TM9SF2: variants seen among roughly 807,000 people sequenced by gnomAD.
The protein encoded by TM9SF2 is 76 kDa membrane protein.
In TM9SF2, 13 loss-of-function variants were observed where a neutral mutation model predicts 84.9. That is an observed-to-expected ratio of 0.15 (90% CI 0.10 to 0.24). The LOEUF (loss-of-function observed/expected upper bound fraction) is 0.24. TM9SF2 is among the 10% of genes least tolerant of loss of function. The pLI is 1.00. For synonymous variants in TM9SF2, 273 were observed against 285.8 expected, an observed-to-expected ratio of 0.96 and a Z score of 0.45; for missense variants, 562 against 818.5, an observed-to-expected ratio of 0.69 and a Z score of 3.82.
Position 99,529,574 on chromosome 13 carries a change from A to G in TM9SF2, c.441A>G (p.Leu147=). 6.3e-7 allele frequency: 1 copy of G among 1,583,684 alleles called. No homozygotes were observed. The highest frequency in any genetic ancestry group is 8.5e-7 in the Non-Finnish European group (1 of 1,169,688). ...TAGAATTCTTGAAAAAAAGCATGTT[A>G]TTGAATTATCAACATCACTGGTAAG... ...QKLEFLKKSM[L]LNYQHHWIVD... is the part of the protein sequence containing the mutation. The change falls in exon 4 of 17, where the codon TTA becomes TTG. Residue 147 remains leucine, a synonymous_variant. Coordinates refer to ENST00000376387, the MANE Select transcript of TM9SF2 (RefSeq NM_004800.3).
At chr13:99,549,073 T>C in intron 11 of TM9SF2, 92 bp from the exon 12 acceptor site, 1 of 1,047,838 alleles carries the variant, frequency 9.5e-7, no homozygotes, top group South Asian at 1.4e-5. Flanking sequence ...CATTGCTGTC[T>C]GACAGTTTGG....
chr13:99,531,611 A>C (rs115810741), intron 4 of TM9SF2, among the ~76,000 whole-genome samples: 1,588 of 152,266 alleles, frequency 0.01, 29 homozygotes, highest in African/African-American at 0.036. Context: ...CATCTACCTG[A>C]ACCCCATAAG....
chr13:99,547,573 A>G (rs909241586), intron 11 of TM9SF2, among the ~76,000 whole-genome samples: 2 of 152,370 alleles, frequency 1.3e-5, no homozygotes, highest in Non-Finnish European at 2.9e-5. Flanking sequence ...GTTTCAAGTA[A>G]ACAAAGATCT....
chr13:99,555,125 A>G (rs9585128), intron 14 of TM9SF2, among the ~76,000 whole-genome samples: 3,766 of 152,326 alleles, frequency 0.025, 158 homozygotes, highest in African/African-American at 0.086. Flanking sequence ...GAGCTTTTTA[A>G]TGATTAGAAC....
At chr13:99,515,378 G>A (rs995432558) in intron 1 of TM9SF2, among the ~76,000 whole-genome samples, 27 of 152,196 alleles carry the variant, frequency 1.8e-4, no homozygotes, top group African/African-American at 5.8e-4. Flanking sequence ...CTTCACAACG[G>A]TTGTATGTAT....
chr13:99,513,080 G>GT (rs1174434649), intron 1 of TM9SF2, among the ~76,000 whole-genome samples: 1 of 152,222 alleles, frequency 6.6e-6, no homozygotes, highest in African/African-American at 2.4e-5. Context: ...CAGTTACCAT[G>GT]TTTTTGAGAT....
intron 6 of TM9SF2, among the ~76,000 whole-genome samples, chr13:99,538,553 G>C (rs1201249009): frequency 6.6e-6 from 1 of 151,798 alleles, no homozygotes; most frequent in Admixed American, 6.6e-5. Flanking sequence ...TGAACACTTT[G>C]GGAAGGCCAA....
intron 3 of TM9SF2, among the ~76,000 whole-genome samples, chr13:99,523,845 G>A (rs146527375): frequency 1.3e-5 from 2 of 152,318 alleles, no homozygotes; most frequent in East Asian, 3.9e-4. Context: ...ATCTGTGAAG[G>A]TGTGTGGGGA....
At chr13:99,520,152 T>C (rs754766332) in intron 3 of TM9SF2, 23 bp downstream of exon 3, 3 of 1,571,004 alleles carry the variant, frequency 1.9e-6, no homozygotes, top group Non-Finnish European at 2.6e-6. Flanking sequence ...TGTTACATAA[T>C]AATTATTTAC....
At chr13:99,539,230 A>G (rs1474448462) in intron 6 of TM9SF2, among the ~76,000 whole-genome samples, 1 of 152,090 alleles carries the variant, frequency 6.6e-6, no homozygotes, top group Non-Finnish European at 1.5e-5. Flanking sequence ...AAGAAAAAAA[A>G]AAAGATTATT....
intron 10 of TM9SF2, 101 bp from the exon 11 acceptor site, chr13:99,546,884 G>A: frequency 1.3e-6 from 2 of 1,528,094 alleles, no homozygotes; most frequent in South Asian, 2.4e-5. Context: ...GCGTGAAGTT[G>A]TATTTTTTTC....
chr13:99,521,843 A>T (rs986153902), intron 3 of TM9SF2, among the ~76,000 whole-genome samples: 2 of 151,958 alleles, frequency 1.3e-5, no homozygotes, highest in Non-Finnish European at 2.9e-5. Context: ...AGTGGCTAGG[A>T]CTACAGATGC....
intron 4 of TM9SF2, among the ~76,000 whole-genome samples, chr13:99,531,893 T>C (rs2046211551): frequency 6.6e-6 from 1 of 152,202 alleles, no homozygotes; most frequent in Admixed American, 6.5e-5. Flanking sequence ...TGTTAAGTAA[T>C]TGAAATTTCC....
At chr13:99,516,346 G>A (rs376835104) in intron 1 of TM9SF2, among the ~76,000 whole-genome samples, 17 of 152,324 alleles carry the variant, frequency 1.1e-4, no homozygotes, top group African/African-American at 2.9e-4. Flanking sequence ...AATGACAAGT[G>A]TGGCTCCGTG....
intron 3 of TM9SF2, among the ~76,000 whole-genome samples, chr13:99,523,670 A>G (rs551198620): frequency 6.6e-5 from 10 of 152,330 alleles, no homozygotes; most frequent in South Asian, 2.1e-4. Flanking sequence ...CAGTTAACAC[A>G]TTTGCTCAGT....
At chr13:99,509,099 C>G (rs1031836389) in intron 1 of TM9SF2, among the ~76,000 whole-genome samples, 3 of 152,188 alleles carry the variant, frequency 2.0e-5, no homozygotes, top group Non-Finnish European at 4.4e-5. Context: ...AAACAAGTTA[C>G]TTACTTCCAA....
intron 16 of TM9SF2, among the ~76,000 whole-genome samples, 173 bp from the exon 17 acceptor site, chr13:99,562,518 G>A (rs952624003): frequency 2.6e-5 from 4 of 152,092 alleles, no homozygotes; most frequent in African/African-American, 7.2e-5. Flanking sequence ...AACTTGATTT[G>A]AGGTGGTCGT....
intron 1 of TM9SF2, among the ~76,000 whole-genome samples, chr13:99,513,963 T>C (rs558848861): frequency 6.6e-6 from 1 of 152,266 alleles, no homozygotes; most frequent in East Asian, 1.9e-4. Context: ...GCCTCTTGGA[T>C]AGACTAATAA....
chr13:99,561,714 C>T (rs536290970), intron 16 of TM9SF2, among the ~76,000 whole-genome samples: 27 of 152,272 alleles, frequency 1.8e-4, no homozygotes, highest in Middle Eastern at 6.8e-3. Context: ...CAGAGTACTG[C>T]ATTTAAAACA....
Sources: gnomAD v4.1 joint callset for allele counts (sites outside exome capture counted in the v4.1 genomes callset) on GRCh38, gnomAD v4.1.1 for gene constraint, MANE v1.5 for transcripts, NCBI Gene and HGNC (gene_info 2026-07-23, HGNC 2026-07-21) for gene names.